MST1R: variants seen among roughly 807,000 people sequenced by gnomAD.
MST1R encodes the protein macrophage-stimulating protein receptor.
In MST1R, 99 loss-of-function variants were observed where a neutral mutation model predicts 117.8. That is an observed-to-expected ratio of 0.84 (90% confidence interval 0.71 to 0.99). The LOEUF is 0.99. Among genes scored for constraint, MST1R ranks in the 50% least tolerant of loss-of-function variants. The pLI is 0.00. For missense variants in MST1R, 1,683 were observed against 1,840.2 expected (o/e 0.91, Z 1.56); for synonymous variants, 734 against 765.3 (o/e 0.96, Z 0.68).
Position 49,897,368 on chromosome 3 carries a change from C to T in MST1R, c.2095G>A (p.Gly699Ser). The change falls in exon 7 of 20, where the codon GGC (glycine) becomes AGC (serine). Residue 699 changes from glycine to serine, a missense_variant. Coordinates refer to ENST00000296474, the MANE Select transcript of MST1R (RefSeq NM_002447.4). ...VQPLFGPRAG[G>S]TCLTLEGQSL... is the part of the protein sequence containing the mutation. Reference sequence around the variant, plus strand: ...TGGCCTTCAAGAGTGAGACAGGTGCCTCCTGCCCGTGGGCCAAAGAGGGGT... The same window carrying T: ...TGGCCTTCAAGAGTGAGACAGGTGCTTCCTGCCCGTGGGCCAAAGAGGGGT... 6.2e-7 allele frequency: 1 copy of T among 1,614,012 alleles called. No individual in the cohort carries two copies. Among genetic ancestry groups the T allele is most frequent in the South Asian group, 1.1e-5 (1 of 91,070 alleles).
Position 49,891,742 on chromosome 3 carries a change from C to T in MST1R, c.3352+16G>A, listed in dbSNP as rs763690659. 2.5e-6 allele frequency: 4 copies of T among 1,614,056 alleles called. No homozygotes were observed. Among genetic ancestry groups the T allele is most frequent in the Non-Finnish European group, 3.4e-6 (4 of 1,179,886 alleles). On this transcript the variant is annotated intron_variant, in intron 15 of 19. Coordinates refer to ENST00000296474, the MANE Select transcript of MST1R (RefSeq NM_002447.4). ...GAGGCCCCTCCCTCTGCCTTCCCATCTTCTGCCCCACTTACGACTTAGTGA... is the reference window on the plus strand; with the variant it reads ...GAGGCCCCTCCCTCTGCCTTCCCATTTTCTGCCCCACTTACGACTTAGTGA...
rs1366539388 is a variant in MST1R, at chr3:49,902,710, G to A, written c.900C>T (p.Cys300=). The part of the protein sequence containing the change: ...LGDYRELVLD[C]RFAPKRRRRG... Reference sequence around the variant, plus strand: ...GGCGCCTGCGTTTTGGAGCAAATCTGCAGTCGAGGACCAGCTCCCGATAGT... The same window carrying A: ...GGCGCCTGCGTTTTGGAGCAAATCTACAGTCGAGGACCAGCTCCCGATAGT... Residue 300 remains cysteine, a synonymous_variant, in exon 1 of 20, where the codon TGC becomes TGT. Transcript: ENST00000296474. 13 of 1,613,466 alleles carry A rather than the reference G, an allele frequency of 8.1e-6. No individual in the cohort carries two copies. In the East Asian group the frequency reaches 2.9e-4, roughly 36 times the overall value.
intron 19 of MST1R, among the ~76,000 whole-genome samples, chr3:49,888,659 T>A (rs1378923319): frequency 4.6e-5 from 7 of 151,842 alleles, no homozygotes; most frequent in Admixed American, 4.6e-4. Context: ...AGTGGCACCC[T>A]GGTCCTGAAG....
At chr3:49,893,910 A>AAAT (rs2082389185) in intron 14 of MST1R, among the ~76,000 whole-genome samples, 1 of 133,288 alleles carries the variant, frequency 7.5e-6, no homozygotes, top group South Asian at 2.3e-4. Context: ...AAAAAAAAAA[A>AAAT]AAAATAAAAT....
Position 49,890,507 on chromosome 3 carries a change from C to T in MST1R, c.3788G>A (p.Arg1263Lys). ...WMALESLQTY[R>K]FTTKSDVWSF... ...CACCACATCAGACTTGGTGGTAAATCTATAGGTCTGCAGGCTCTCCAGCGC... is the reference window on the plus strand; with the variant it reads ...CACCACATCAGACTTGGTGGTAAATTTATAGGTCTGCAGGCTCTCCAGCGC... Residue 1263 changes from arginine (R) to lysine (K), a missense_variant, in exon 18 of 20, where the codon AGA (arginine) becomes AAA (lysine). Transcript: ENST00000296474. 1 of 1,613,758 alleles carries T rather than the reference C, an allele frequency of 6.2e-7. No individual in the cohort carries two copies. The highest frequency in any genetic ancestry group is 8.5e-7 in the Non-Finnish European group (1 of 1,179,826).
At position 49,896,736 on chromosome 3, in the gene MST1R, C is replaced by T. The variant is rs1288776463; in HGVS notation, c.2338G>A (p.Gly780Ser). 6.3e-7 allele frequency: 1 copy of T among 1,595,400 alleles called. No homozygotes were observed. The highest frequency in any genetic ancestry group is 1.1e-5 in the South Asian group (1 of 88,514). Residue 780 changes from glycine (G) to serine (S), a missense_variant, in exon 8 of 20, where the codon GGC becomes AGC. Coordinates refer to ENST00000296474, the MANE Select transcript of MST1R (RefSeq NM_002447.4). ...CAAAGAGGCAGTGCTTACATGTAGC[C>T]ACAGTTGGGGCTGATGCTTAGCACG... ...PVVLSISPNC[G>S]YINSHITICG...
At chr3:49,895,587 CT>C (rs747703030) in intron 12 of MST1R, 39 bp from the exon 13 acceptor site, 1 of 1,612,850 alleles carries the variant, frequency 6.2e-7, no homozygotes, top group Admixed American at 1.7e-5. Context: ...GCTTTCCAAG[CT>C]CCTAGGGGCC....
chr3:49,903,594 G>T lies in MST1R; in HGVS notation c.16C>A (p.Pro6Thr). 1 of 1,564,460 alleles carries T rather than the reference G, an allele frequency of 6.4e-7. No homozygotes were observed. The highest frequency in any genetic ancestry group is 8.6e-7 in the Non-Finnish European group (1 of 1,161,364). The change falls in exon 1 of 20, where the codon CCG becomes ACG. Residue 6 changes from proline (P) to threonine (T), a missense_variant. Transcript: ENST00000296474. ...AGCAACAGGAAGGACTGAGGCAGCG[G>T]CGGGAGGAGCTCCATCGAGGCGAGC... MELLP[P>T]LPQSFLLLLL...
At chr3:49,890,729 ATTTT>A in intron 17 of MST1R, 79 bp from the exon 18 acceptor site, 2 of 1,151,010 alleles carry the variant, frequency 1.7e-6, no homozygotes. Context: ...CCCTTACAGA[ATTTT>A]TTTTTTTTTT....
chr3:49,897,624 G>A lies in MST1R; in HGVS notation c.1942C>T (p.Gln648Ter), dbSNP rs2082526016. Residue 648 changes from glutamine (Q) to a stop codon, truncating the protein, a stop_gained, in exon 6 of 20, where the codon CAG becomes TAG. Transcript: ENST00000296474. LOFTEE classifies it high-confidence loss of function. ...CTGACGTTGGTAGGCCCCACTGCCT[G>A]GGTGCCCAAGGGCTCCAGTTCACAC... ...FECELEPLGT[Q>*]AVGPTNVSLT... 1 of 1,614,034 alleles carries A rather than the reference G, an allele frequency of 6.2e-7. No individual in the cohort carries two copies. Among genetic ancestry groups the A allele is most frequent in the Non-Finnish European group, 8.5e-7 (1 of 1,180,034 alleles).
rs540299124 is a variant in MST1R, at chr3:49,896,517, C to T, written c.2439+23G>A. Reference sequence around the variant, plus strand: ...TCAGGGAACTCATCCAGCCTTCCTCCCTCCTGGCCAGCACTCACTCACCCT... The same window carrying T: ...TCAGGGAACTCATCCAGCCTTCCTCTCTCCTGGCCAGCACTCACTCACCCT... On this transcript the variant is annotated intron_variant, in intron 9 of 19. Transcript: ENST00000296474. 3.7e-6 allele frequency: 6 copies of T among 1,613,282 alleles called. No individual in the cohort carries two copies. In the African/African-American group the frequency reaches 6.7e-5, roughly 18 times the overall value.
chr3:49,895,033 G>A (rs552335754), intron 14 of MST1R, 134 bp downstream of exon 14: 5 of 849,596 alleles, frequency 5.9e-6, no homozygotes, highest in South Asian at 3.0e-5. Context: ...GGACGGTCTC[G>A]ATCTCCTGAC....
Position 49,903,316 on chromosome 3 carries a change from G to C in MST1R, c.294C>G (p.Asp98Glu), listed in dbSNP as rs774058159. The change falls in exon 1 of 20, where the codon GAC becomes GAG. Residue 98 changes from aspartate (D) to glutamate (E), a missense_variant. Coordinates refer to ENST00000296474, the MANE Select transcript of MST1R (RefSeq NM_002447.4). ...AGGCTGCACACGTCTGGCAGCCAGG[G>C]TCTCCAGCAGGGCCCGTGGCCAGGC... is the stretch of plus-strand genomic sequence containing the variant. ...VQSLATGPAG[D>E]PGCQTCAACG... 1 of 1,613,002 alleles carries C rather than the reference G, an allele frequency of 6.2e-7. No individual in the cohort carries two copies. Among genetic ancestry groups the C allele is most frequent in the South Asian group, 1.1e-5 (1 of 91,086 alleles).
In MST1R at chr3:49,897,391, G is replaced by T. The variant is rs925816301; in HGVS notation, c.2072C>A (p.Pro691His). 6.2e-7 allele frequency: 1 copy of T among 1,613,786 alleles called. No individual in the cohort carries two copies. The highest frequency in any genetic ancestry group is 1.7e-5 in the Admixed American group (1 of 59,984). The change falls in exon 7 of 20, where the codon CCC becomes CAC. Residue 691 changes from proline (P) to histidine (H), a missense_variant. Coordinates refer to ENST00000296474, the MANE Select transcript of MST1R (RefSeq NM_002447.4). ...FMEPVLIAVQ[P>H]LFGPRAGGTC... ...GCCTCCTGCCCGTGGGCCAAAGAGG[G>T]GTTGCACTGCTATCAGCACTGGCTC...
chr3:49,901,910 T>C (rs1299084437), intron 1 of MST1R, among the ~76,000 whole-genome samples: 1 of 132,626 alleles, frequency 7.5e-6, no homozygotes, highest in Non-Finnish European at 1.5e-5. Context: ...AGCATCTCCC[T>C]GTGTATTTGT....
Position 49,895,362 on chromosome 3 carries a change from TG to T in MST1R, c.3075del (p.Ile1026LeufsTer34). 1 of 1,614,194 alleles carries T rather than the reference TG, an allele frequency of 6.2e-7. No homozygotes were observed. Among genetic ancestry groups the T allele is most frequent in the Non-Finnish European group, 8.5e-7 (1 of 1,180,042 alleles). ...SDYRSGLALP[A>X]IDGLDSTTCV... ...CAAGTGGTGGAATCCAGACCATCAA[TG>T]GCAGGGAGTGCTGTGGGGAGAGGGA... On this transcript the variant is annotated frameshift_variant, in exon 14 of 20. Coordinates refer to ENST00000296474, the MANE Select transcript of MST1R (RefSeq NM_002447.4). LOFTEE classifies it high-confidence loss of function.
rs1419800427 is a variant in MST1R at position 49,887,349 on chromosome 3, T to G, written c.4161A>C (p.Val1387=). 4.3e-6 allele frequency: 7 copies of G among 1,614,060 alleles called. No individual in the cohort carries two copies. The highest frequency in any genetic ancestry group is 1.3e-5 in the African/African-American group (1 of 74,932). ...QPQFSPMPGN[V]RRPRPLSEPP... is the part of the protein sequence containing the mutation. The stretch of plus-strand genomic sequence containing the variant: ...GCTCTGAGAGTGGCCGGGGCCGGCG[T>G]ACATTCCCTGGCATGGGTGAGAACT... Residue 1387 remains valine (V), a synonymous_variant, in exon 20 of 20, where the codon GTA becomes GTC. Transcript: ENST00000296474.
At position 49,890,537 on chromosome 3, in the gene MST1R, C is replaced by T; in HGVS notation, c.3758G>A (p.Trp1253Ter). The T allele has an allele frequency of 6.2e-7, 1 of 1,614,166 alleles. No homozygotes were observed. The highest frequency in any genetic ancestry group is 8.5e-7 in the Non-Finnish European group (1 of 1,180,020). The change falls in exon 18 of 20, where the codon TGG becomes TAG. Residue 1253 changes from tryptophan to a stop codon, truncating the protein, a stop_gained. Transcript: ENST00000296474. LOFTEE classifies it high-confidence loss of function. Reference sequence around the variant, plus strand: ...GGTCTGCAGGCTCTCCAGCGCCATCCACTTCACAGGTAGGCGAGCGTGGCG... The same window carrying T: ...GGTCTGCAGGCTCTCCAGCGCCATCTACTTCACAGGTAGGCGAGCGTGGCG... ...QHRHARLPVK[W>*]MALESLQTYR...
At position 49,898,039 on chromosome 3, in the gene MST1R, A is replaced by G. The variant is rs774229942; in HGVS notation, c.1880+12T>C. 1.2e-6 allele frequency: 2 copies of G among 1,613,964 alleles called. No individual in the cohort carries two copies. Among genetic ancestry groups the G allele is most frequent in the Non-Finnish European group, 1.7e-6 (2 of 1,180,016 alleles). ...CCCTTCAGGGAAAGGGAGGGGAGGG[A>G]CCAGATTGTACCTGAGTTTTGAGCT... is the stretch of plus-strand genomic sequence containing the variant. On this transcript the variant is annotated intron_variant, in intron 5 of 19. Transcript: ENST00000296474.
Sources: gnomAD v4.1 joint callset for allele counts (sites outside exome capture counted in the v4.1 genomes callset) on GRCh38, gnomAD v4.1.1 for gene constraint, MANE v1.5 for transcripts, NCBI Gene and HGNC (gene_info 2026-07-23, HGNC 2026-07-21) for gene names.